ABCB11: variants seen among roughly 807,000 people sequenced by gnomAD.
ABCB11 encodes the protein ATP binding cassette subfamily B member 11.
Under a neutral mutation model 148.0 loss-of-function variants are expected in ABCB11, and 95 were observed. That is an observed-to-expected ratio of 0.64 (90% CI 0.54 to 0.76). The LOEUF is 0.76. Among genes scored for constraint, ABCB11 ranks in the 30% least tolerant of loss-of-function variants. The pLI, the probability that ABCB11 is intolerant of heterozygous loss-of-function variation, is 0.00. For missense variants in ABCB11, 1,523 were observed against 1,617.8 expected (o/e 0.94, Z 1.01); for synonymous variants, 591 against 555.4 (o/e 1.06, Z -0.90).
chr2:168,932,350 A>G lies in ABCB11; in HGVS notation c.3213+27T>C, dbSNP rs567197536. 2.1e-4 allele frequency: 329 copies of G among 1,538,752 alleles called. 3 individuals carry two copies. In the South Asian group the frequency reaches 3.7e-3, roughly 17 times the overall value. On this transcript the variant is annotated intron_variant, in intron 24 of 27. Transcript: ENST00000650372. Reference sequence around the variant, plus strand: ...AAAGGACATGAACTCATCCTTTTTTATGGCTGCATAGTATTCCAACACTTA... The same window carrying G: ...AAAGGACATGAACTCATCCTTTTTTGTGGCTGCATAGTATTCCAACACTTA...
chr2:168,993,981 C>A, intron 7 of ABCB11, 99 bp from the exon 8 acceptor site: 1 of 1,028,742 alleles, frequency 9.7e-7, no homozygotes, highest in Non-Finnish European at 1.4e-6. Flanking sequence ...TCCCATCTCT[C>A]TATCCCTATC....
intron 13 of ABCB11, among the ~76,000 whole-genome samples, chr2:168,972,669 A>T (rs2105965657): frequency 6.6e-6 from 1 of 152,052 alleles, no homozygotes; most frequent in African/African-American, 2.4e-5. Flanking sequence ...AAAAAGGAAA[A>T]CTCTGTTATG....
chr2:168,965,271 G>T (rs1693250555), intron 17 of ABCB11, among the ~76,000 whole-genome samples: 1 of 151,786 alleles, frequency 6.6e-6, no homozygotes, highest in Non-Finnish European at 1.5e-5. Flanking sequence ...ACAAGCATGG[G>T]AAGTGATTGG....
intron 5 of ABCB11, among the ~76,000 whole-genome samples, chr2:169,011,372 C>A (rs982724533): frequency 2.0e-5 from 3 of 152,138 alleles, no homozygotes; most frequent in African/African-American, 7.2e-5. Flanking sequence ...CAGTTCACTT[C>A]TGTCCTCCCG....
At chr2:169,013,543 G>T in intron 4 of ABCB11, 33 bp from the exon 5 acceptor site, 1 of 1,569,398 alleles carries the variant, frequency 6.4e-7, no homozygotes, top group South Asian at 1.1e-5. Flanking sequence ...GATCATCTAT[G>T]GGTGAAGAGC....
Position 168,923,469 on chromosome 2 carries a change from C to A in ABCB11, c.*153G>T. 1 of 693,422 alleles carries A rather than the reference C, an allele frequency of 1.4e-6. No homozygotes were observed. 43.0% of individuals were successfully genotyped at this position (693,422 alleles called of 1,614,324 possible). Reference sequence around the variant, plus strand: ...AGGCCATTAGAAATTAGCTTGGATTCCGATGTAGGAAAATGACTGTAAAAG... The same window carrying A: ...AGGCCATTAGAAATTAGCTTGGATTACGATGTAGGAAAATGACTGTAAAAG... On this transcript the variant is annotated 3_prime_UTR_variant, in exon 28 of 28. Coordinates refer to ENST00000650372, the MANE Select transcript of ABCB11 (RefSeq NM_003742.4).
At chr2:169,013,556 G>A (rs1452994711) in intron 4 of ABCB11, 46 bp from the exon 5 acceptor site, 1 of 1,490,882 alleles carries the variant, frequency 6.7e-7, no homozygotes, top group Non-Finnish European at 9.3e-7. Context: ...TGAAGAGCAG[G>A]AGAGGTAGGA....
chr2:168,923,325 T>A lies in ABCB11; in HGVS notation c.*297A>T. The A allele has an allele frequency of 2.0e-6, 1 of 495,324 alleles. No individual in the cohort carries two copies. The highest frequency in any genetic ancestry group is 3.6e-6 in the Non-Finnish European group (1 of 275,392). 30.7% of individuals were successfully genotyped at this position (495,324 alleles called of 1,614,324 possible). ...TTCCCACATATTAATCAGGACTGGC[T>A]CCTGCACAGAGAAGCACTGAGTGGT... is the stretch of plus-strand genomic sequence containing the variant. On this transcript the variant is annotated 3_prime_UTR_variant, in exon 28 of 28. Coordinates refer to ENST00000650372, the MANE Select transcript of ABCB11 (RefSeq NM_003742.4).
intron 17 of ABCB11, among the ~76,000 whole-genome samples, chr2:168,964,598 C>T (rs1558889757): frequency 6.6e-6 from 1 of 151,618 alleles, no homozygotes; most frequent in Non-Finnish European, 1.5e-5. Context: ...ACCAGTTCAT[C>T]AAAAAACCAC....
chr2:168,993,955 T>G, intron 7 of ABCB11, 73 bp from the exon 8 acceptor site: 1 of 1,301,410 alleles, frequency 7.7e-7, no homozygotes, highest in Non-Finnish European at 1.1e-6. Context: ...AGTCTCAGTC[T>G]TTCCCTTTTA....
intron 1 of ABCB11, among the ~76,000 whole-genome samples, chr2:169,025,167 C>T (rs569339836): frequency 1.3e-5 from 2 of 152,202 alleles, no homozygotes; most frequent in South Asian, 4.1e-4. Flanking sequence ...TGGCTTAGCT[C>T]TCCATTTAAA....
At chr2:168,985,117 C>T (rs146918370) in intron 10 of ABCB11, among the ~76,000 whole-genome samples, 3,428 of 151,752 alleles carry the variant, frequency 0.023, 122 homozygotes, top group African/African-American at 0.078. Flanking sequence ...GAAGAAGATA[C>T]ACAAATGGCC....
intron 8 of ABCB11, 128 bp from the exon 9 acceptor site, chr2:168,991,053 G>A: frequency 1.7e-6 from 2 of 1,155,012 alleles, no homozygotes; most frequent in Non-Finnish European, 2.4e-6. Context: ...TAACATCATT[G>A]ACAGGAGGAA....
At chr2:169,006,769 A>C (rs1376253612) in intron 5 of ABCB11, among the ~76,000 whole-genome samples, 2 of 152,176 alleles carry the variant, frequency 1.3e-5, no homozygotes, top group Middle Eastern at 3.2e-3. Context: ...GCAATGGGCA[A>C]ACTGAAAATA....
Position 168,921,621 on chromosome 2 carries a change from A to G in ABCB11, c.*2001T>C, listed in dbSNP as rs1691076038. Among the ~76,000 whole-genome samples the G allele has an allele frequency of 6.6e-6, 1 of 151,766 alleles. No homozygotes were observed. The highest frequency in any genetic ancestry group is 1.9e-4 in the East Asian group (1 of 5,182). Reference sequence around the variant, plus strand: ...CACTGCATTGGCTCTGTTACTTCTAATTTCCTTTCTCCAGCTGCCCTATTG... The same window carrying G: ...CACTGCATTGGCTCTGTTACTTCTAGTTTCCTTTCTCCAGCTGCCCTATTG... On this transcript the variant is annotated 3_prime_UTR_variant, in exon 28 of 28. Transcript: ENST00000650372.
intron 12 of ABCB11, among the ~76,000 whole-genome samples, chr2:168,975,063 A>G (rs1001738776): frequency 2.1e-5 from 3 of 141,240 alleles, no homozygotes; most frequent in African/African-American, 7.7e-5. Context: ...GATATAAAAT[A>G]TAGATAAATA....
intron 2 of ABCB11, among the ~76,000 whole-genome samples, chr2:169,017,262 T>C (rs1302680202): frequency 6.6e-6 from 1 of 152,160 alleles, no homozygotes; most frequent in African/African-American, 2.4e-5. Context: ...TTAACACTTC[T>C]ACACTAGTAG....
chr2:168,948,684 A>G (rs1692431817), intron 19 of ABCB11, among the ~76,000 whole-genome samples: 1 of 151,746 alleles, frequency 6.6e-6, no homozygotes. Flanking sequence ...GAAATCAAGA[A>G]ATATAAATTA....
chr2:169,024,102 C>T (rs1304554893), intron 1 of ABCB11, among the ~76,000 whole-genome samples: 1 of 152,076 alleles, frequency 6.6e-6, no homozygotes, highest in Admixed American at 6.6e-5. Flanking sequence ...GGCTTAATAC[C>T]TAGGTGATGG....
Sources: gnomAD v4.1 joint callset for allele counts (sites outside exome capture counted in the v4.1 genomes callset) on GRCh38, gnomAD v4.1.1 for gene constraint, MANE v1.5 for transcripts, NCBI Gene and HGNC (gene_info 2026-07-23, HGNC 2026-07-21) for gene names.